Variants in ATP8A2 observed in about 807,000 individuals in gnomAD.
ATP8A2 encodes the protein phospholipid-transporting ATPase IB.
Under a neutral mutation model 165.6 loss-of-function variants are expected in ATP8A2, and 100 were observed. The ratio of observed to expected loss-of-function variants is 0.60; its 90% CI spans 0.51 to 0.71. The LOEUF (loss-of-function observed/expected upper bound fraction) is 0.71, where lower values mean the gene tolerates loss of function less well. Among genes scored for constraint, ATP8A2 ranks in the 30% least tolerant of loss-of-function variants. The pLI is 0.00. For synonymous variants in ATP8A2, 543 were observed against 548.8 expected (o/e 0.99, Z 0.15); for missense variants, 1,227 against 1,479.5 (o/e 0.83, Z 2.80).
chr13:25,581,212 C>T (rs540115090), intron 22 of ATP8A2, among the ~76,000 whole-genome samples: 1 of 152,260 alleles, frequency 6.6e-6, no homozygotes, highest in Admixed American at 6.5e-5. Flanking sequence ...TGTACAGTCT[C>T]TGGAATTTGC....
intron 24 of ATP8A2, among the ~76,000 whole-genome samples, chr13:25,599,523 T>C (rs558925454): frequency 5.9e-5 from 9 of 152,252 alleles, no homozygotes; most frequent in Non-Finnish European, 1.3e-4. Context: ...TTACCACGCC[T>C]AGAGGCAAAA....
intron 16 of ATP8A2, among the ~76,000 whole-genome samples, chr13:25,564,565 C>T (rs1205024621): frequency 1.3e-5 from 2 of 152,104 alleles, no homozygotes; most frequent in Non-Finnish European, 2.9e-5. Context: ...AGTTACCCAG[C>T]GCATAAATGT....
At chr13:25,975,499 G>A (rs571300862) in intron 35 of ATP8A2, among the ~76,000 whole-genome samples, 40 of 152,022 alleles carry the variant, frequency 2.6e-4, no homozygotes, top group African/African-American at 9.2e-4. Flanking sequence ...GGAGAATGGC[G>A]TGAACCCGAG....
intron 35 of ATP8A2, among the ~76,000 whole-genome samples, chr13:25,979,668 T>TA (rs1277458442): frequency 6.6e-6 from 1 of 152,166 alleles, no homozygotes; most frequent in Non-Finnish European, 1.5e-5. Flanking sequence ...AGACATTTAT[T>TA]AAAAACGGAG....
At chr13:25,730,126 C>T (rs537383746) in intron 25 of ATP8A2, among the ~76,000 whole-genome samples, 11 of 152,106 alleles carry the variant, frequency 7.2e-5, no homozygotes, top group Admixed American at 7.2e-4. Context: ...CCCATCTCTA[C>T]AAAAAATACA....
At chr13:25,647,388 A>AT (rs1051031438) in intron 24 of ATP8A2, among the ~76,000 whole-genome samples, 4 of 152,032 alleles carry the variant, frequency 2.6e-5, no homozygotes. Flanking sequence ...TGGTTGGCAG[A>AT]TTTTTTCCCC....
At chr13:25,748,554 G>T (rs757480884) in intron 25 of ATP8A2, among the ~76,000 whole-genome samples, 17 of 152,208 alleles carry the variant, frequency 1.1e-4, no homozygotes, top group Non-Finnish European at 1.9e-4. Context: ...CATACTGGAG[G>T]CATGGCTGCT....
Position 25,694,466 on chromosome 13 carries a change from C to A in ATP8A2, c.2212-4707C>A, listed in dbSNP as rs143152437. Among the ~76,000 whole-genome samples the A allele has an allele frequency of 3.9e-3, 597 of 152,206 alleles. 6 individuals are homozygous for A. Among genetic ancestry groups the A allele is most frequent in the African/African-American group, 0.014 (565 of 41,506 alleles). On this transcript the variant is annotated intron_variant, in intron 24 of 36. Transcript: ENST00000381655. ...GGTTTTTCTGTCCTTCATACACTGA[C>A]CCCCGGCAGGCACCCCTCTAGAATT...
At chr13:25,632,702 A>G (rs1381359706) in intron 24 of ATP8A2, among the ~76,000 whole-genome samples, 3 of 152,188 alleles carry the variant, frequency 2.0e-5, no homozygotes, top group Non-Finnish European at 2.9e-5. Flanking sequence ...AGGTAAAGAC[A>G]GAATCCTGAG....
chr13:25,780,852 C>T (rs775079933), intron 27 of ATP8A2, among the ~76,000 whole-genome samples: 12 of 152,116 alleles, frequency 7.9e-5, no homozygotes, highest in Non-Finnish European at 1.6e-4. Context: ...GCTAGCCCTC[C>T]GCTCACCTCC....
intron 2 of ATP8A2, among the ~76,000 whole-genome samples, chr13:25,472,196 C>A (rs1430869822): frequency 6.6e-6 from 1 of 152,114 alleles, no homozygotes; most frequent in Non-Finnish European, 1.5e-5. Flanking sequence ...GAGTTTGAGA[C>A]CAGCCTGGCC....
At chr13:25,882,154 A>ACCTGACT (rs1183407720) in intron 33 of ATP8A2, among the ~76,000 whole-genome samples, 1 of 152,102 alleles carries the variant, frequency 6.6e-6, no homozygotes, top group Non-Finnish European at 1.5e-5. Context: ...GGACGTAAAA[A>ACCTGACT]CCTGACTCGG....
At chr13:25,855,280 A>G (rs909273147) in intron 30 of ATP8A2, among the ~76,000 whole-genome samples, 3 of 149,372 alleles carry the variant, frequency 2.0e-5, no homozygotes, top group South Asian at 2.1e-4. Flanking sequence ...GTCACTCCCC[A>G]TTTCTCCCAA....
intron 33 of ATP8A2, among the ~76,000 whole-genome samples, chr13:25,914,921 G>A (rs565638181): frequency 2.9e-4 from 44 of 152,234 alleles, no homozygotes; most frequent in African/African-American, 1.0e-3. Context: ...TTCCCGATTT[G>A]TTAGGATTTG....
chr13:25,695,692 A>T (rs765643476), intron 24 of ATP8A2, among the ~76,000 whole-genome samples: 3 of 152,224 alleles, frequency 2.0e-5, no homozygotes, highest in Non-Finnish European at 2.9e-5. Flanking sequence ...CGTTTATTCA[A>T]GTTTGATCAT....
At chr13:25,685,330 A>C (rs1480126269) in intron 24 of ATP8A2, among the ~76,000 whole-genome samples, 1 of 152,076 alleles carries the variant, frequency 6.6e-6, no homozygotes, top group Admixed American at 6.5e-5. Flanking sequence ...TTTTTATGTC[A>C]TTCTTCCATT....
chr13:25,883,345 G>C lies in ATP8A2; in HGVS notation c.3183+20937G>C, dbSNP rs1953041572. Among the ~76,000 whole-genome samples, 2 of 152,170 alleles carry C rather than the reference G, an allele frequency of 1.3e-5. 1 individual carries two copies. Among genetic ancestry groups the C allele is most frequent in the South Asian group, 4.1e-4 (2 of 4,828 alleles). On this transcript the variant is annotated intron_variant, in intron 33 of 36. Coordinates refer to ENST00000381655, the MANE Select transcript of ATP8A2 (RefSeq NM_016529.6). ...GAGGCAGGAGAATTGCTTGAACCCA[G>C]GAGGCGGAGGTTGCACTGAACTGAA...
intron 1 of ATP8A2, among the ~76,000 whole-genome samples, chr13:25,397,516 G>A (rs1593252421): frequency 6.6e-6 from 1 of 152,072 alleles, no homozygotes; most frequent in East Asian, 1.9e-4. Context: ...TCACACTCCA[G>A]GACGGGCTGC....
At position 25,504,458 on chromosome 13, in the gene ATP8A2, C is replaced by T. The variant is rs1031945400; in HGVS notation, c.222-25541C>T. ...TTTTTTTTTTAAAAAGTATACAGTG[C>T]GGCCGGGCGCGGTGGCTCACGCCTG... On this transcript the variant is annotated intron_variant, in intron 2 of 36. Coordinates refer to ENST00000381655, the MANE Select transcript of ATP8A2 (RefSeq NM_016529.6). Among the ~76,000 whole-genome samples the T allele has an allele frequency of 5.9e-4, 79 of 134,228 alleles. 1 individual carries two copies. The highest frequency in any genetic ancestry group is 1.2e-3 in the Non-Finnish European group (76 of 65,012). The allele number at this position is 134,228 out of a possible 152,430, so 88.1% of individuals were successfully genotyped here. A position where few individuals can be genotyped will look rare whatever the true frequency, so the allele number is the denominator to read the frequency against.
Sources: gnomAD v4.1 joint callset for allele counts (sites outside exome capture counted in the v4.1 genomes callset) on GRCh38, gnomAD v4.1.1 for gene constraint, MANE v1.5 for transcripts, NCBI Gene and HGNC (gene_info 2026-07-23, HGNC 2026-07-21) for gene names.